The following MLLT3 variants were observed in gnomAD, a reference collection of about 807,000 sequenced individuals.
MLLT3 encodes the protein MLLT3 super elongation complex subunit.
A neutral mutation model predicts 53.2 loss-of-function variants in MLLT3; 4 were observed. That is an observed-to-expected ratio of 0.08 (90% CI 0.04 to 0.17). MLLT3 has a LOEUF of 0.17. Ranked by LOEUF, MLLT3 falls within the 10% of genes least tolerant of loss-of-function variation. The pLI is 1.00. For missense variants in MLLT3, 569 were observed against 684.0 expected, an observed-to-expected ratio of 0.83 and a Z score of 1.87; for synonymous variants, 283 against 230.6, an observed-to-expected ratio of 1.23 and a Z score of -2.06.
chr9:20,563,366 C>T (rs4448374), intron 2 of MLLT3, among the ~76,000 whole-genome samples: 18,126 of 152,008 alleles, frequency 0.12, 1,980 homozygotes, highest in African/African-American at 0.29. Context: ...CTAATCTTAC[C>T]GTCCTAAAGC....
chr9:20,529,833 G>A lies in MLLT3; in HGVS notation c.194-73047C>T, dbSNP rs184922161. On this transcript the variant is annotated intron_variant, in intron 2 of 10. Transcript: ENST00000380338. ...AATTCCCCTGCCTTGGCCTCCCAAA[G>A]CTGACAGGCATGAGCCATGGCATCC... Among the ~76,000 whole-genome samples the A allele has an allele frequency of 3.8e-3, 548 of 145,116 alleles. 3 individuals carry two copies. Among genetic ancestry groups the A allele is most frequent in the Admixed American group, 6.5e-3 (88 of 13,566 alleles).
intron 5 of MLLT3, among the ~76,000 whole-genome samples, chr9:20,368,119 G>A (rs1373945532): frequency 6.6e-6 from 1 of 152,206 alleles, no homozygotes; most frequent in African/African-American, 2.4e-5. Flanking sequence ...CTTACACATT[G>A]CTGTTTGTGG....
chr9:20,448,023 C>CCTTATA lies in MLLT3; in HGVS notation c.420+94_420+99dup, dbSNP rs1823746949. 28 of 1,352,342 alleles carry CCTTATA rather than the reference C, an allele frequency of 2.1e-5. No individual in the cohort carries two copies. In the South Asian group the frequency reaches 4.0e-4, roughly 19 times the overall value. 83.8% of individuals were successfully genotyped at this position (1,352,342 alleles called of 1,614,324 possible). A position where few individuals can be genotyped will look rare whatever the true frequency, so the allele number is the denominator to read the frequency against. ...ATCATTTCTTTTACCTCTCCCAAAA[C>CCTTATA]CTTATACTTTTTAACACATGAGGAA... On this transcript the variant is annotated intron_variant, in intron 4 of 10. Transcript: ENST00000380338. The surrounding 1 kb of genome is among the most constrained non-coding windows in gnomAD (Gnocchi z 4.0).
At chr9:20,526,574 G>C (rs1291547034) in intron 2 of MLLT3, among the ~76,000 whole-genome samples, 1 of 152,096 alleles carries the variant, frequency 6.6e-6, no homozygotes. Context: ...TTCTGTTGTA[G>C]GAACATTCTA....
At chr9:20,548,906 C>A (rs1252312710) in intron 2 of MLLT3, among the ~76,000 whole-genome samples, 1 of 152,082 alleles carries the variant, frequency 6.6e-6, no homozygotes, top group African/African-American at 2.4e-5. Context: ...CTCGACCTCC[C>A]CCGGCTCAGC....
At chr9:20,454,171 A>C (rs1823904213) in intron 3 of MLLT3, among the ~76,000 whole-genome samples, 1 of 152,166 alleles carries the variant, frequency 6.6e-6, no homozygotes, top group Non-Finnish European at 1.5e-5. Context: ...CATAATGACT[A>C]CCCAATGTGC....
chr9:20,569,841 G>A (rs997732867), intron 2 of MLLT3, among the ~76,000 whole-genome samples: 1 of 152,152 alleles, frequency 6.6e-6, no homozygotes, highest in African/African-American at 2.4e-5. Context: ...GACACTCAAT[G>A]TGAAGCAGAA....
At chr9:20,388,585 C>T (rs565737464) in intron 5 of MLLT3, among the ~76,000 whole-genome samples, 19 of 151,414 alleles carry the variant, frequency 1.3e-4, no homozygotes, top group Non-Finnish European at 2.7e-4. Context: ...GAGACTCGGT[C>T]TCAAAAAAAC....
chr9:20,510,939 A>G (rs1825520561), intron 2 of MLLT3, among the ~76,000 whole-genome samples: 1 of 152,212 alleles, frequency 6.6e-6, no homozygotes, highest in Admixed American at 6.5e-5. Context: ...CAATACCAGA[A>G]AGGCTAAATA....
At chr9:20,488,453 T>G (rs754771187) in intron 2 of MLLT3, among the ~76,000 whole-genome samples, 1 of 152,138 alleles carries the variant, frequency 6.6e-6, no homozygotes, top group African/African-American at 2.4e-5. Context: ...CAATGTGTAC[T>G]CGTAGAAAAA....
At chr9:20,493,851 T>A (rs987916514) in intron 2 of MLLT3, among the ~76,000 whole-genome samples, 2 of 152,100 alleles carry the variant, frequency 1.3e-5, no homozygotes, top group African/African-American at 4.8e-5. Context: ...CATAATTTTT[T>A]AAATCTGTAA....
At chr9:20,608,851 T>G (rs927547236) in intron 2 of MLLT3, among the ~76,000 whole-genome samples, 1 of 151,974 alleles carries the variant, frequency 6.6e-6, no homozygotes, top group African/African-American at 2.4e-5. Flanking sequence ...CTGACAACAA[T>G]AAGAAGTTCC....
chr9:20,465,557 T>G (rs1325051254), intron 2 of MLLT3, among the ~76,000 whole-genome samples: 1 of 152,098 alleles, frequency 6.6e-6, no homozygotes, highest in Non-Finnish European at 1.5e-5. Context: ...TAAATCAAAA[T>G]TAAAACCCAT....
In MLLT3 at chr9:20,547,062, T is replaced by A. The variant is rs77422171; in HGVS notation, c.193+73592A>T. On this transcript the variant is annotated intron_variant, in intron 2 of 10. Coordinates refer to ENST00000380338, the MANE Select transcript of MLLT3 (RefSeq NM_004529.4). ...CTTTGGCCTCTTGAATCTGGTGCCA[T>A]CCCCACTGGAGTCAATAGGAGTTTG... 0.011 allele frequency among the ~76,000 whole-genome samples: 1,624 copies of A among 152,258 alleles called. 66 individuals are homozygous for A. The East Asian group carries it at 0.15, about 14-fold the overall frequency.
intron 2 of MLLT3, among the ~76,000 whole-genome samples, chr9:20,515,138 G>T (rs1436274033): frequency 3.3e-5 from 5 of 151,838 alleles, no homozygotes; most frequent in Non-Finnish European, 7.4e-5. Context: ...AGCAGAGATG[G>T]GGTTTCACTA....
At chr9:20,460,459 T>C (rs1026622871) in intron 2 of MLLT3, among the ~76,000 whole-genome samples, 2 of 152,234 alleles carry the variant, frequency 1.3e-5, no homozygotes, top group African/African-American at 4.8e-5. Context: ...GGCAAAATCA[T>C]TAAAAGCTTT....
intron 2 of MLLT3, among the ~76,000 whole-genome samples, chr9:20,579,294 C>T (rs970073126): frequency 6.6e-6 from 1 of 151,688 alleles, no homozygotes; most frequent in Non-Finnish European, 1.5e-5. Flanking sequence ...CACTTGAGCA[C>T]AGGAGTCAAA....
intron 5 of MLLT3, among the ~76,000 whole-genome samples, chr9:20,368,515 T>C (rs1003512040): frequency 6.6e-6 from 1 of 152,146 alleles, no homozygotes; most frequent in Non-Finnish European, 1.5e-5. Context: ...CTGAGAATGA[T>C]ATTAGCAAGG....
In MLLT3 at chr9:20,417,211, AT is replaced by A. The variant is rs919233629; in HGVS notation, c.421-2787del. On this transcript the variant is annotated intron_variant, in intron 4 of 10. Coordinates refer to ENST00000380338, the MANE Select transcript of MLLT3 (RefSeq NM_004529.4). The stretch of plus-strand genomic sequence containing the variant: ...TATATATATTATATATTATATATAT[AT>A]GGGGGTCTTGTCACCAGTCTCCATG... Among the ~76,000 whole-genome samples, 4 of 145,326 alleles carry A rather than the reference AT, an allele frequency of 2.8e-5. No individual in the cohort carries two copies. The Admixed American group carries it at 2.8e-4, about 10-fold the overall frequency.
Sources: allele counts gnomAD v4.1 joint callset (sites outside exome capture counted in the v4.1 genomes callset), GRCh38; gene constraint gnomAD v4.1.1; non-coding constraint Gnocchi (gnomAD v3.1); transcripts MANE v1.5; gene names NCBI Gene and HGNC (gene_info 2026-07-23, HGNC 2026-07-21).